PTPN4: variants seen among roughly 807,000 people sequenced by gnomAD.
The protein encoded by PTPN4 is protein tyrosine phosphatase non-receptor type 4, also known as tyrosine-protein phosphatase non-receptor type 4.
In PTPN4, 49 loss-of-function variants were observed where a neutral mutation model predicts 135.5. That is an observed-to-expected ratio of 0.36 (90% CI 0.29 to 0.46). The LOEUF is 0.46. Among genes scored for constraint, PTPN4 ranks in the 20% least tolerant of loss-of-function variants. The pLI, the probability that PTPN4 is intolerant of heterozygous loss-of-function variation, is 1.00. For synonymous variants in PTPN4, 333 were observed against 369.9 expected, an observed-to-expected ratio of 0.90 and a Z score of 1.14; for missense variants, 860 against 1,101.0, an observed-to-expected ratio of 0.78 and a Z score of 3.10.
At chr2:119,879,178 A>G (rs1678032903) in intron 5 of PTPN4, among the ~76,000 whole-genome samples, 1 of 152,180 alleles carries the variant, frequency 6.6e-6, no homozygotes, top group African/African-American at 2.4e-5. Flanking sequence ...AAATATTGTC[A>G]GTTAAAACTA....
rs201904378 is a variant in PTPN4, at chr2:119,955,109, T to A, written c.1814-48T>A. 8.7e-4 allele frequency: 1,294 copies of A among 1,486,378 alleles called. 15 individuals are homozygous for A. The highest frequency in any genetic ancestry group is 2.1e-4 in the Non-Finnish European group (234 of 1,099,184). The allele number at this position is 1,486,378 out of a possible 1,614,324, so 92.1% of individuals were successfully genotyped here. On this transcript the variant is annotated intron_variant, in intron 19 of 26. Transcript: ENST00000263708. ...TCTGGTAAATTCCTATCGTGTGAATTCATTAAGATTTCCACGTTTTGGGGT... is the reference window on the plus strand; with the variant it reads ...TCTGGTAAATTCCTATCGTGTGAATACATTAAGATTTCCACGTTTTGGGGT...
At chr2:119,775,280 A>T (rs1451604840) in intron 1 of PTPN4, among the ~76,000 whole-genome samples, 3 of 151,962 alleles carry the variant, frequency 2.0e-5, no homozygotes, top group Admixed American at 6.6e-5. Context: ...CCTTGATGGG[A>T]TAAGGTAAAT....
At chr2:119,955,446 T>C (rs1479041750) in intron 20 of PTPN4, 123 bp downstream of exon 20, 1 of 905,548 alleles carries the variant, frequency 1.1e-6, no homozygotes, top group Non-Finnish European at 1.5e-6. Context: ...TGAGAAATGT[T>C]TGACATAAAG....
At chr2:119,792,623 G>A (rs1691168660) in intron 1 of PTPN4, among the ~76,000 whole-genome samples, 1 of 152,160 alleles carries the variant, frequency 6.6e-6, no homozygotes, top group African/African-American at 2.4e-5. Flanking sequence ...TATGAATTTT[G>A]CCAAGTTAAA....
chr2:119,795,061 C>T (rs1197291679), intron 1 of PTPN4, among the ~76,000 whole-genome samples: 1 of 152,052 alleles, frequency 6.6e-6, no homozygotes, highest in Non-Finnish European at 1.5e-5. Context: ...GTCCTGTTGT[C>T]TCCTCAGCTC....
chr2:119,810,060 T>C, intron 2 of PTPN4, 69 bp downstream of exon 2: 1 of 1,466,528 alleles, frequency 6.8e-7, no homozygotes, highest in Non-Finnish European at 9.2e-7. Flanking sequence ...ATATGTAAAC[T>C]AGGATTATTA....
intron 12 of PTPN4, 24 bp downstream of exon 12, chr2:119,920,265 G>A: frequency 6.4e-7 from 1 of 1,558,646 alleles, no homozygotes; most frequent in Middle Eastern, 1.7e-4. Context: ...CTGTGTTAAG[G>A]CTTTATTGTT....
intron 10 of PTPN4, among the ~76,000 whole-genome samples, chr2:119,903,284 A>G (rs1678434204): frequency 6.6e-6 from 1 of 152,116 alleles, no homozygotes; most frequent in African/African-American, 2.4e-5. Context: ...TGGGGGGCTA[A>G]GTAAGGACTG....
intron 2 of PTPN4, among the ~76,000 whole-genome samples, chr2:119,822,062 T>C (rs1677076388): frequency 6.6e-6 from 1 of 152,140 alleles, no homozygotes. Flanking sequence ...CTTTCCACTA[T>C]GCTTGATGTC....
chr2:119,759,969 G>T lies in PTPN4; in HGVS notation c.-433G>T. 5.3e-6 allele frequency: 2 copies of T among 375,034 alleles called. No homozygotes were observed. The highest frequency in any genetic ancestry group is 7.0e-4 in the Middle Eastern group (1 of 1,438). 23.2% of individuals were successfully genotyped at this position (375,034 alleles called of 1,614,324 possible). On this transcript the variant is annotated 5_prime_UTR_variant, in exon 1 of 27. Transcript: ENST00000263708. ...CGCGCAGTGCGCTTTTCCGCTCCTC[G>T]CGCCCCACCACCAACATTGTTCTCT...
chr2:119,805,619 T>G (rs957927159), intron 1 of PTPN4, among the ~76,000 whole-genome samples: 1 of 152,178 alleles, frequency 6.6e-6, no homozygotes, highest in Admixed American at 6.5e-5. Flanking sequence ...CTGAGGCCTC[T>G]GTTCTGTTCC....
chr2:119,934,323 G>A (rs1289393035), intron 14 of PTPN4, among the ~76,000 whole-genome samples: 2 of 152,216 alleles, frequency 1.3e-5, no homozygotes, highest in East Asian at 1.9e-4. Context: ...CTGAAATATT[G>A]TAATTAAAAA....
In PTPN4 at chr2:119,821,254, A is replaced by C. The variant is rs538827938; in HGVS notation, c.138+11263A>C. Among the ~76,000 whole-genome samples the C allele has an allele frequency of 5.8e-3, 889 of 151,976 alleles. 7 individuals carry two copies. Among genetic ancestry groups the C allele is most frequent in the African/African-American group, 0.02 (837 of 41,466 alleles). On this transcript the variant is annotated intron_variant, in intron 2 of 26. Coordinates refer to ENST00000263708, the MANE Select transcript of PTPN4 (RefSeq NM_002830.4). ...ACTACAGGCGCCTGCCACCATGCCC[A>C]GCTAATTTTTATATTTTTAGTAGAG...
intron 2 of PTPN4, among the ~76,000 whole-genome samples, chr2:119,819,173 G>C (rs951044826): frequency 6.6e-6 from 1 of 152,128 alleles, no homozygotes; most frequent in Non-Finnish European, 1.5e-5. Context: ...TTTCTCCACA[G>C]TATGGTTTGG....
rs59953430 is a variant in PTPN4 at position 119,760,733 on chromosome 2, C to CTTTTTTTT, written c.-18+364_-18+371dup. On this transcript the variant is annotated intron_variant, in intron 1 of 26. Coordinates refer to ENST00000263708, the MANE Select transcript of PTPN4 (RefSeq NM_002830.4). ...GAGTTTTCCATTGCTGGTAGAATTC[C>CTTTTTTTT]TTTTTTTTTTTTTTTTTTTTTTGGC... Among the ~76,000 whole-genome samples the CTTTTTTTT allele has an allele frequency of 5.8e-4, 46 of 79,916 alleles. 3 individuals carry two copies. Among genetic ancestry groups the CTTTTTTTT allele is most frequent in the African/African-American group, 1.6e-3 (32 of 19,738 alleles). 52.4% of individuals were successfully genotyped at this position (79,916 alleles called of 152,430 possible).
Position 119,809,870 on chromosome 2 carries a change from G to A in PTPN4, c.17G>A (p.Arg6Gln), listed in dbSNP as rs144223649. MTSRF[R>Q]LPAGRTYNVR... ...TGGACAGTAATGACCTCACGTTTCC[G>A]ATTGCCTGCTGGCAGAACCTACAAT... The change falls in exon 2 of 27, where the codon CGA becomes CAA. Residue 6 changes from arginine (R) to glutamine (Q), a missense_variant. Physicochemically the swap from Arg to Gln is conservative, Grantham distance 43. Coordinates refer to ENST00000263708, the MANE Select transcript of PTPN4 (RefSeq NM_002830.4). The A allele has an allele frequency of 5.6e-6, 9 of 1,608,746 alleles. No individual in the cohort carries two copies. The highest frequency in any genetic ancestry group is 4.1e-5 in the African/African-American group (3 of 74,040).
intron 1 of PTPN4, among the ~76,000 whole-genome samples, chr2:119,801,129 C>T (rs987048467): frequency 6.6e-6 from 1 of 152,182 alleles, no homozygotes; most frequent in Non-Finnish European, 1.5e-5. Context: ...CGCTCTATCA[C>T]CCAAGCTGGA....
At chr2:119,925,174 C>CTGTTGGAGTTTTTAAA (rs1678803247) in intron 12 of PTPN4, among the ~76,000 whole-genome samples, 2 of 152,160 alleles carry the variant, frequency 1.3e-5, no homozygotes, top group African/African-American at 4.8e-5. Context: ...TCTCACTATA[C>CTGTTGGAGTTTTTAAA]CCTATCCCCA....
rs1281237567 is a variant in PTPN4, at chr2:119,981,810, A to G, written c.*4740A>G. The G allele has an allele frequency of 1.3e-5, 2 of 152,120 alleles. No homozygotes were observed. The highest frequency in any genetic ancestry group is 4.8e-5 in the African/African-American group (2 of 41,430). The allele number at this position is 152,120 out of a possible 1,614,324, so 9.4% of individuals were successfully genotyped here. On this transcript the variant is annotated 3_prime_UTR_variant, in exon 27 of 27. Transcript: ENST00000263708. The stretch of plus-strand genomic sequence containing the variant: ...AGATATTTTTTTATAGTCCTGATGA[A>G]TTTGTTGTGAGTAGACACCACATAG...
Sources: allele counts gnomAD v4.1 joint callset (sites outside exome capture counted in the v4.1 genomes callset), GRCh38; gene constraint gnomAD v4.1.1; transcripts MANE v1.5; gene names NCBI Gene and HGNC (gene_info 2026-07-23, HGNC 2026-07-21).